KIRREL3: variants seen among roughly 807,000 people sequenced by gnomAD.
KIRREL3 encodes kirre like nephrin family adhesion molecule 3, also known as kin of IRRE-like protein 3.
Under a neutral mutation model 89.7 loss-of-function variants are expected in KIRREL3, and 36 were observed. The ratio of observed to expected loss-of-function variants is 0.40; its 90% CI spans 0.31 to 0.53. KIRREL3 has a LOEUF of 0.53. Among genes scored for constraint, KIRREL3 ranks in the 20% least tolerant of loss-of-function variants. KIRREL3 has a pLI of 0.49. For synonymous variants in KIRREL3, 445 were observed against 441.4 expected, an observed-to-expected ratio of 1.01 and a Z score of -0.10; for missense variants, 864 against 1,056.6, an observed-to-expected ratio of 0.82 and a Z score of 2.53.
rs572774740 is a variant in KIRREL3 at position 126,937,926 on chromosome 11, C to T, written c.55+62529G>A. Reference sequence around the variant, plus strand: ...AAAACAAAAAACCAAAAAAAACCCACAGCAGTCATGTTGGTACTGCCAGGG... The same window carrying T: ...AAAACAAAAAACCAAAAAAAACCCATAGCAGTCATGTTGGTACTGCCAGGG... On this transcript the variant is annotated intron_variant, in intron 1 of 16. Coordinates refer to ENST00000525144, the MANE Select transcript of KIRREL3 (RefSeq NM_032531.4). 2.6e-5 allele frequency among the ~76,000 whole-genome samples: 4 copies of T among 152,168 alleles called. No homozygotes were observed. The South Asian group carries it at 8.3e-4, about 32-fold the overall frequency.
intron 2 of KIRREL3, among the ~76,000 whole-genome samples, chr11:126,532,797 G>A (rs910408611): frequency 6.6e-6 from 1 of 152,106 alleles, no homozygotes; most frequent in African/African-American, 2.4e-5. Flanking sequence ...ACGGTTGAGG[G>A]TAAAGTTTAG....
At position 126,965,813 on chromosome 11, in the gene KIRREL3, A is replaced by ATGATAGCC. The variant is rs1349557858; in HGVS notation, c.55+34634_55+34641dup. Among the ~76,000 whole-genome samples the ATGATAGCC allele has an allele frequency of 6.6e-6, 1 of 152,174 alleles. No individual in the cohort carries two copies. The highest frequency in any genetic ancestry group is 1.5e-5 in the Non-Finnish European group (1 of 68,042). ...AGTGAGTGCTTCCAGAGTGCCAGCG[A>ATGATAGCC]TGATAGCCAGACAGGTGACAGAACT... On this transcript the variant is annotated intron_variant, in intron 1 of 16. Transcript: ENST00000525144. The surrounding 1 kb of genome is among the most constrained non-coding windows in gnomAD (Gnocchi z 4.4).
In KIRREL3 at chr11:126,526,623, C is replaced by T. The variant is rs776767535; in HGVS notation, c.198G>A (p.Thr66=). 1.0e-5 allele frequency: 16 copies of T among 1,600,514 alleles called. No individual in the cohort carries two copies. Among genetic ancestry groups the T allele is most frequent in the Admixed American group, 8.6e-5 (5 of 58,092 alleles). The change falls in exon 3 of 17, where the codon ACG becomes ACA. Residue 66 remains threonine (T), a synonymous_variant. Coordinates refer to ENST00000525144, the MANE Select transcript of KIRREL3 (RefSeq NM_032531.4). This position sits in a 1 kb window ranked among gnomAD's most constrained non-coding sequence, Gnocchi z 5.7. ...CGTATTCGGGGATGGCGCAAAGTAG[C>T]GTCACTGGCTGTCCCGACACCACCA... ...DQVVVSGQPV[T]LLCAIPEYDG...
chr11:126,441,017 GC>G lies in KIRREL3; in HGVS notation c.1253-469del, dbSNP rs1232663801. 2.2e-5 allele frequency: 4 copies of G among 181,224 alleles called. No homozygotes were observed. Among genetic ancestry groups the G allele is most frequent in the African/African-American group, 9.5e-5 (4 of 42,012 alleles). The allele number at this position is 181,224 out of a possible 1,614,324, so 11.2% of individuals were successfully genotyped here. A position where few individuals can be genotyped will look rare whatever the true frequency, so the allele number is the denominator to read the frequency against. ...ATTCCTCAGATATCCAGTAGAGGGCGCCCTTGCCTAACAAATGGGAGCTGCT... is the reference window on the plus strand; with the variant it reads ...ATTCCTCAGATATCCAGTAGAGGGCGCCTTGCCTAACAAATGGGAGCTGCT... On this transcript the variant is annotated intron_variant, in intron 10 of 16. Transcript: ENST00000525144. The surrounding 1 kb of genome is among the most constrained non-coding windows in gnomAD (Gnocchi z 5.0).
intron 12 of KIRREL3, among the ~76,000 whole-genome samples, chr11:126,435,867 G>C (rs1955305615): frequency 6.6e-6 from 1 of 152,108 alleles, no homozygotes; most frequent in Admixed American, 6.5e-5. Flanking sequence ...AGATCGTCAG[G>C]ACTGAGGCCT....
chr11:126,609,605 G>A lies in KIRREL3; in HGVS notation c.56-46693C>T, dbSNP rs888045974. On this transcript the variant is annotated intron_variant, in intron 1 of 16. Coordinates refer to ENST00000525144, the MANE Select transcript of KIRREL3 (RefSeq NM_032531.4). This position sits in a 1 kb window ranked among gnomAD's most constrained non-coding sequence, Gnocchi z 5.0. ...TCAGCTCCTTTCTGGGGGGACCTCC[G>A]ATGCATGCTCACTTGTATAAAATCT... Among the ~76,000 whole-genome samples the A allele has an allele frequency of 1.1e-4, 16 of 152,136 alleles. No individual in the cohort carries two copies. Among genetic ancestry groups the A allele is most frequent in the Non-Finnish European group, 1.9e-4 (13 of 68,034 alleles).
chr11:126,536,754 C>T (rs544039789), intron 2 of KIRREL3, among the ~76,000 whole-genome samples: 22 of 145,308 alleles, frequency 1.5e-4, no homozygotes, highest in Admixed American at 5.2e-4. Flanking sequence ...AAGTGATTTT[C>T]CTGCTTTAGC....
chr11:126,920,502 G>C (rs746489412), intron 1 of KIRREL3: 1 of 152,264 alleles, frequency 6.6e-6, no homozygotes, highest in African/African-American at 2.4e-5. Context: ...TACTACTGCT[G>C]CTCACTGTTT....
At chr11:126,499,167 A>AAAG (rs57562072) in intron 4 of KIRREL3, among the ~76,000 whole-genome samples, 2 of 150,452 alleles carry the variant, frequency 1.3e-5, no homozygotes, top group Non-Finnish European at 3.0e-5. Context: ...AAAAAAAAAA[A>AAAG]GCTGTGCGTT....
intron 1 of KIRREL3, among the ~76,000 whole-genome samples, chr11:126,831,438 T>TCTCTCTCA (rs1461778813): frequency 6.6e-6 from 1 of 151,514 alleles, no homozygotes; most frequent in Admixed American, 6.6e-5. Flanking sequence ...TCTCTCTTTC[T>TCTCTCTCA]CTCTCTCTCT....
In KIRREL3 at chr11:126,748,631, G is replaced by A. The variant is rs1949234242; in HGVS notation, c.56-185719C>T. 6.6e-6 allele frequency among the ~76,000 whole-genome samples: 1 copy of A among 152,060 alleles called. No individual in the cohort carries two copies. The highest frequency in any genetic ancestry group is 1.5e-5 in the Non-Finnish European group (1 of 68,012). On this transcript the variant is annotated intron_variant, in intron 1 of 16. Coordinates refer to ENST00000525144, the MANE Select transcript of KIRREL3 (RefSeq NM_032531.4). The surrounding 1 kb of genome is among the most constrained non-coding windows in gnomAD (Gnocchi z 4.6). Reference sequence around the variant, plus strand: ...GTGGCAGGAAAGAAGAGGCCTCTGCGGGAAGGGGGCAGGGGCAGGAAGGCC... The same window carrying A: ...GTGGCAGGAAAGAAGAGGCCTCTGCAGGAAGGGGGCAGGGGCAGGAAGGCC...
intron 4 of KIRREL3, among the ~76,000 whole-genome samples, chr11:126,504,443 T>C (rs1041852799): frequency 6.6e-6 from 1 of 152,234 alleles, no homozygotes. Context: ...GCTGACTTCG[T>C]CACTTCTATG....
chr11:126,440,285 G>A, intron 11 of KIRREL3, 164 bp downstream of exon 11: 1 of 721,550 alleles, frequency 1.4e-6, no homozygotes, highest in Non-Finnish European at 2.5e-6. Flanking sequence ...CTGCAATTGT[G>A]TCTTCACGAT....
chr11:126,579,032 G>C lies in KIRREL3; in HGVS notation c.56-16120C>G, dbSNP rs531637935. 6.6e-6 allele frequency among the ~76,000 whole-genome samples: 1 copy of C among 152,052 alleles called. No homozygotes were observed. Among genetic ancestry groups the C allele is most frequent in the Non-Finnish European group, 1.5e-5 (1 of 68,020 alleles). ...CCACACAGCAACAGAACCAGACCTC[G>C]ATCAAACCCAAAGCCCGTGCTCTGT... is the stretch of plus-strand genomic sequence containing the variant. On this transcript the variant is annotated intron_variant, in intron 1 of 16. Transcript: ENST00000525144. This position sits in a 1 kb window ranked among gnomAD's most constrained non-coding sequence, Gnocchi z 5.3.
chr11:126,858,437 T>C (rs574450179), intron 1 of KIRREL3, among the ~76,000 whole-genome samples: 85 of 152,238 alleles, frequency 5.6e-4, no homozygotes, highest in African/African-American at 2.0e-3. Flanking sequence ...ATGCTTGCCA[T>C]TGGGTGCTGT....
At chr11:126,833,061 G>T (rs1442612023) in intron 1 of KIRREL3, among the ~76,000 whole-genome samples, 1 of 152,168 alleles carries the variant, frequency 6.6e-6, no homozygotes, top group Non-Finnish European at 1.5e-5. Flanking sequence ...TCTTCTCACT[G>T]CTGTTATCCT....
rs534999683 is a variant in KIRREL3, at chr11:126,622,653, C to T, written c.56-59741G>A. Among the ~76,000 whole-genome samples the T allele has an allele frequency of 6.9e-4, 105 of 152,330 alleles. No individual in the cohort carries two copies. The highest frequency in any genetic ancestry group is 2.4e-3 in the African/African-American group (101 of 41,572). The stretch of plus-strand genomic sequence containing the variant: ...GCAGTGAGCTGAGATCACGCCAGTG[C>T]ACTCCAGCCTGGGCGACAAGAGCGA... On this transcript the variant is annotated intron_variant, in intron 1 of 16. Coordinates refer to ENST00000525144, the MANE Select transcript of KIRREL3 (RefSeq NM_032531.4). This position sits in a 1 kb window ranked among gnomAD's most constrained non-coding sequence, Gnocchi z 5.2.
At chr11:126,925,096 TCGG>T (rs1298365229) in intron 1 of KIRREL3, among the ~76,000 whole-genome samples, 1 of 1,492 alleles carries the variant, frequency 6.7e-4, no homozygotes, top group Non-Finnish European at 1.8e-3. Flanking sequence ...CATAAAAAGG[TCGG>T]GGGGGGGGGG....
At chr11:126,828,189 A>G (rs530283489) in intron 1 of KIRREL3, among the ~76,000 whole-genome samples, 1 of 152,330 alleles carries the variant, frequency 6.6e-6, no homozygotes, top group African/African-American at 2.4e-5. Context: ...GCTGTTTATT[A>G]CTCAGTTTAC....
Sources: gnomAD v4.1 joint callset for allele counts (sites outside exome capture counted in the v4.1 genomes callset) on GRCh38, gnomAD v4.1.1 for gene constraint, Gnocchi (gnomAD v3.1) non-coding constraint, MANE v1.5 for transcripts, NCBI Gene and HGNC (gene_info 2026-07-23, HGNC 2026-07-21) for gene names.